Variants in PCDH9 observed in about 807,000 individuals in gnomAD.
PCDH9 encodes protocadherin 9.
PCDH9 carries 24 observed loss-of-function variants against 70.6 expected under a neutral mutation model. The observed-to-expected ratio is 0.34, with a 90% CI of 0.25 to 0.48. The LOEUF (loss-of-function observed/expected upper bound fraction) is 0.48, where lower values mean the gene tolerates loss of function less well. Among genes scored for constraint, PCDH9 ranks in the 20% least tolerant of loss-of-function variants. The probability of loss-of-function intolerance (pLI) is 0.99; values close to 1 mark genes in which losing one functional copy is unlikely to be tolerated. For missense variants in PCDH9, 1,281 were observed against 1,503.6 expected (o/e 0.85, Z 2.45); for synonymous variants, 562 against 558.5 (o/e 1.01, Z -0.09).
intron 4 of PCDH9, among the ~76,000 whole-genome samples, chr13:66,354,176 A>T (rs1254032174): frequency 6.6e-6 from 1 of 152,056 alleles, no homozygotes; most frequent in Non-Finnish European, 1.5e-5. Context: ...CCCAAAGAGG[A>T]GTTGGAAACA....
intron 3 of PCDH9, among the ~76,000 whole-genome samples, chr13:66,765,561 C>A (rs1446345074): frequency 2.0e-5 from 3 of 151,868 alleles, no homozygotes; most frequent in African/African-American, 4.8e-5. Flanking sequence ...ATGTGATGTT[C>A]TTCATGGTTA....
At chr13:67,182,818 C>T (rs74093431) in intron 2 of PCDH9, among the ~76,000 whole-genome samples, 2,053 of 152,190 alleles carry the variant, frequency 0.013, 50 homozygotes, top group African/African-American at 0.047. Context: ...TGCCACTCTG[C>T]CTGTCCCCAG....
intron 3 of PCDH9, among the ~76,000 whole-genome samples, chr13:66,831,058 C>G (rs1005897376): frequency 3.3e-5 from 5 of 152,140 alleles, no homozygotes; most frequent in African/African-American, 1.2e-4. Context: ...TTGTTACATA[C>G]AGACTCTAGG....
chr13:66,845,146 G>A (rs1380410717), intron 3 of PCDH9, among the ~76,000 whole-genome samples: 1 of 152,172 alleles, frequency 6.6e-6, no homozygotes, highest in African/African-American at 2.4e-5. Context: ...GGCTTCACGA[G>A]GGACCTGCCC....
chr13:66,880,886 T>C (rs1484116617), intron 3 of PCDH9, among the ~76,000 whole-genome samples: 2 of 152,232 alleles, frequency 1.3e-5, no homozygotes, highest in African/African-American at 2.4e-5. Context: ...TGTGATGTTG[T>C]GGTAACAATT....
At chr13:66,502,256 C>A (rs533389917) in intron 4 of PCDH9, among the ~76,000 whole-genome samples, 6 of 152,176 alleles carry the variant, frequency 3.9e-5, no homozygotes, top group African/African-American at 7.2e-5. Flanking sequence ...AACTATCACA[C>A]TGAATAAGGT....
chr13:67,017,012 A>G (rs1224833298), intron 2 of PCDH9, among the ~76,000 whole-genome samples: 1 of 152,146 alleles, frequency 6.6e-6, no homozygotes, highest in African/African-American at 2.4e-5. Flanking sequence ...CAATACAATC[A>G]ATGTGCAACC....
chr13:66,642,663 C>T lies in PCDH9; in HGVS notation c.3139-11252G>A, dbSNP rs555938188. ...CGACCTGATTTTATTTTTTCAAACACCTAAAATACATTAGAAGTAGTGAAC... is the reference window on the plus strand; with the variant it reads ...CGACCTGATTTTATTTTTTCAAACATCTAAAATACATTAGAAGTAGTGAAC... On this transcript the variant is annotated intron_variant, in intron 3 of 4. Coordinates refer to ENST00000377865, the MANE Select transcript of PCDH9 (RefSeq NM_203487.3). 2.8e-4 allele frequency among the ~76,000 whole-genome samples: 43 copies of T among 151,776 alleles called. No individual in the cohort carries two copies. The South Asian group carries it at 8.7e-3, about 31-fold the overall frequency.
At chr13:66,846,001 T>G (rs533477487) in intron 3 of PCDH9, among the ~76,000 whole-genome samples, 97 of 152,224 alleles carry the variant, frequency 6.4e-4, no homozygotes, top group Non-Finnish European at 1.2e-3. Context: ...AGTACAATGA[T>G]AGCTGATAAT....
At chr13:66,594,607 T>C (rs2077079529) in intron 4 of PCDH9, among the ~76,000 whole-genome samples, 1 of 151,546 alleles carries the variant, frequency 6.6e-6, no homozygotes, top group Non-Finnish European at 1.5e-5. Context: ...TGTCAACCCA[T>C]CACCTAGATA....
chr13:66,964,122 AC>A (rs1446928228), intron 2 of PCDH9, among the ~76,000 whole-genome samples: 1 of 152,114 alleles, frequency 6.6e-6, no homozygotes, highest in Non-Finnish European at 1.5e-5. Context: ...TATTCAAAAA[AC>A]CAAAGATAAC....
chr13:66,324,517 G>A (rs989631216), intron 4 of PCDH9, among the ~76,000 whole-genome samples: 2 of 152,010 alleles, frequency 1.3e-5, no homozygotes, highest in Non-Finnish European at 2.9e-5. Flanking sequence ...GTTATTGATA[G>A]AGAATATTAA....
chr13:66,941,422 TG>T lies in PCDH9; in HGVS notation c.3037-37818del, dbSNP rs547067510. Among the ~76,000 whole-genome samples the T allele has an allele frequency of 1.6e-3, 240 of 151,916 alleles. 3 individuals carry two copies. Among genetic ancestry groups the T allele is most frequent in the African/African-American group, 5.3e-3 (222 of 41,526 alleles). ...CTAATGTTATAAAGAATAACATTTATGTAAATGGTCTCAACAACCCTATAAA... is the reference window on the plus strand; with the variant it reads ...CTAATGTTATAAAGAATAACATTTATTAAATGGTCTCAACAACCCTATAAA... On this transcript the variant is annotated intron_variant, in intron 2 of 4. Transcript: ENST00000377865.
intron 3 of PCDH9, among the ~76,000 whole-genome samples, chr13:66,855,878 T>C (rs1448416399): frequency 6.6e-6 from 1 of 151,970 alleles, no homozygotes; most frequent in Non-Finnish European, 1.5e-5. Context: ...ATTTTTATCA[T>C]GGATAAGATC....
chr13:67,019,188 CTTTTTTTTT>C (rs60154161), intron 2 of PCDH9, among the ~76,000 whole-genome samples: 2 of 102,728 alleles, frequency 1.9e-5, no homozygotes, highest in African/African-American at 3.7e-5. Context: ...GGCAGTTGCT[CTTTTTTTTT>C]TTTTTTTTTT....
intron 2 of PCDH9, among the ~76,000 whole-genome samples, chr13:67,173,103 T>C (rs978930748): frequency 6.6e-6 from 1 of 152,100 alleles, no homozygotes; most frequent in African/African-American, 2.4e-5. Context: ...AAAAAATTTT[T>C]CTTTAAGCAT....
chr13:66,787,993 T>G (rs2080105908), intron 3 of PCDH9, among the ~76,000 whole-genome samples: 1 of 152,182 alleles, frequency 6.6e-6, no homozygotes, highest in South Asian at 2.1e-4. Context: ...GAGGGAACAG[T>G]GTAGGCACAG....
intron 2 of PCDH9, among the ~76,000 whole-genome samples, chr13:67,198,179 A>G (rs1210006870): frequency 6.6e-6 from 1 of 151,712 alleles, no homozygotes; most frequent in Non-Finnish European, 1.5e-5. Context: ...CATTATAGGG[A>G]ACATACTTTG....
chr13:67,148,522 C>A (rs1043730371), intron 2 of PCDH9, among the ~76,000 whole-genome samples: 1 of 151,914 alleles, frequency 6.6e-6, no homozygotes, highest in Non-Finnish European at 1.5e-5. Flanking sequence ...TTAGAACACC[C>A]GTGCAAGTTT....
Sources: allele counts gnomAD v4.1 joint callset (sites outside exome capture counted in the v4.1 genomes callset), GRCh38; gene constraint gnomAD v4.1.1; transcripts MANE v1.5; gene names NCBI Gene and HGNC (gene_info 2026-07-23, HGNC 2026-07-21).